The following LDB2 variants were observed in gnomAD, a reference collection of about 807,000 sequenced individuals.
LDB2 encodes LIM domain-binding protein 2.
A neutral mutation model predicts 44.3 loss-of-function variants in LDB2; 12 were observed. That is an observed-to-expected ratio of 0.27 (90% confidence interval 0.17 to 0.44). LDB2 has a LOEUF of 0.44. Ranked by LOEUF, LDB2 falls within the 20% of genes least tolerant of loss-of-function variation. The pLI is 1.00. For synonymous variants in LDB2, 164 were observed against 174.8 expected (o/e 0.94, Z 0.49); for missense variants, 344 against 473.5 (o/e 0.73, Z 2.54).
intron 2 of LDB2, among the ~76,000 whole-genome samples, chr4:16,660,715 T>C (rs1427075448): frequency 6.6e-6 from 1 of 152,190 alleles, no homozygotes; most frequent in East Asian, 1.9e-4. Context: ...GAGAAACAGG[T>C]TTGGGGATAA....
intron 2 of LDB2, chr4:16,674,351 A>G (rs1377794249): frequency 2.8e-6 from 3 of 1,064,554 alleles, no homozygotes; most frequent in Non-Finnish European, 3.8e-6. Flanking sequence ...TGTCTCTGAG[A>G]TGCAAAGATA....
chr4:16,668,618 C>T (rs1478375869), intron 2 of LDB2, among the ~76,000 whole-genome samples: 1 of 152,130 alleles, frequency 6.6e-6, no homozygotes, highest in Non-Finnish European at 1.5e-5. Context: ...CTATATTATC[C>T]TAAGCCCTTA....
intron 1 of LDB2, among the ~76,000 whole-genome samples, chr4:16,828,021 T>A (rs979394317): frequency 6.6e-6 from 1 of 152,122 alleles, no homozygotes; most frequent in African/African-American, 2.4e-5. Context: ...ACCTCCCACT[T>A]CCACCAAACC....
At chr4:16,594,205 A>G (rs74944655) in intron 3 of LDB2, among the ~76,000 whole-genome samples, 4,033 of 152,246 alleles carry the variant, frequency 0.026, 61 homozygotes, top group East Asian at 0.062. Flanking sequence ...GGAGCAGAGA[A>G]AGGCTTTCTC....
intron 2 of LDB2, among the ~76,000 whole-genome samples, chr4:16,653,246 T>C (rs1738818507): frequency 6.6e-6 from 1 of 152,170 alleles, no homozygotes; most frequent in African/African-American, 2.4e-5. Flanking sequence ...TTTTCATTTT[T>C]TGGCTTCTGC....
At chr4:16,504,891 C>T (rs1718749714) in intron 7 of LDB2, among the ~76,000 whole-genome samples, 1 of 152,196 alleles carries the variant, frequency 6.6e-6, no homozygotes, top group Non-Finnish European at 1.5e-5. Flanking sequence ...GTGTCCAGCA[C>T]ACTTGAAGGG....
chr4:16,889,675 C>A (rs1722792426), intron 1 of LDB2, among the ~76,000 whole-genome samples: 2 of 152,178 alleles, frequency 1.3e-5, no homozygotes, highest in Non-Finnish European at 2.9e-5. Context: ...ATATTTTGCA[C>A]ATCAGCCATG....
At chr4:16,835,639 G>A (rs185253468) in intron 1 of LDB2, among the ~76,000 whole-genome samples, 37 of 152,248 alleles carry the variant, frequency 2.4e-4, no homozygotes, top group Non-Finnish European at 3.5e-4. Flanking sequence ...TAGGTCATTG[G>A]GATAGGTGTA....
intron 2 of LDB2, among the ~76,000 whole-genome samples, chr4:16,636,852 C>T (rs1733747273): frequency 6.6e-6 from 1 of 152,164 alleles, no homozygotes; most frequent in African/African-American, 2.4e-5. Flanking sequence ...CAAAAAGAAG[C>T]ACTGAGAAGC....
chr4:16,614,744 T>C (rs570337227), intron 2 of LDB2, among the ~76,000 whole-genome samples: 2 of 152,140 alleles, frequency 1.3e-5, no homozygotes, highest in African/African-American at 2.4e-5. Context: ...AATGAGATAC[T>C]ATCTCATGCC....
chr4:16,589,626 A>G (rs1447387157), intron 3 of LDB2, among the ~76,000 whole-genome samples: 1 of 152,064 alleles, frequency 6.6e-6, no homozygotes, highest in East Asian at 1.9e-4. Flanking sequence ...TTTATTTACC[A>G]TTCCTTTCAC....
At chr4:16,645,963 G>A (rs1487872035) in intron 2 of LDB2, among the ~76,000 whole-genome samples, 3 of 152,218 alleles carry the variant, frequency 2.0e-5, no homozygotes, top group Non-Finnish European at 2.9e-5. Context: ...AGAAAGTGGA[G>A]AGCACCCACT....
chr4:16,614,585 A>AC (rs1560637420), intron 2 of LDB2, among the ~76,000 whole-genome samples: 10 of 65,708 alleles, frequency 1.5e-4, no homozygotes, highest in East Asian at 1.1e-3. Context: ...AAAAACAAAA[A>AC]AAAAAAAAAA....
intron 1 of LDB2, among the ~76,000 whole-genome samples, chr4:16,812,983 G>A (rs182745929): frequency 3.4e-4 from 52 of 151,822 alleles, no homozygotes; most frequent in Non-Finnish European, 5.1e-4. Flanking sequence ...TGAAGCAGGC[G>A]TGCCTCAGTT....
At chr4:16,593,508 A>G (rs371403403) in intron 3 of LDB2, among the ~76,000 whole-genome samples, 1 of 152,192 alleles carries the variant, frequency 6.6e-6, no homozygotes, top group East Asian at 1.9e-4. Context: ...AAAAAAGAAA[A>G]AAAAAATGGA....
intron 2 of LDB2, among the ~76,000 whole-genome samples, chr4:16,608,656 G>A (rs570276778): frequency 1.9e-4 from 29 of 152,280 alleles, no homozygotes; most frequent in South Asian, 1.2e-3. Context: ...CATAACAAGC[G>A]CACCGGACTT....
At chr4:16,799,208 T>C (rs1561269245) in intron 1 of LDB2, among the ~76,000 whole-genome samples, 1 of 152,172 alleles carries the variant, frequency 6.6e-6, no homozygotes, top group Non-Finnish European at 1.5e-5. Flanking sequence ...AAAAAGAACA[T>C]GCAAAGCTCT....
At chr4:16,802,911 C>T (rs1778119448) in intron 1 of LDB2, among the ~76,000 whole-genome samples, 2 of 151,990 alleles carry the variant, frequency 1.3e-5, no homozygotes, top group Admixed American at 6.6e-5. Flanking sequence ...GAAATAGGAC[C>T]CACCCTTGTG....
Position 16,781,075 on chromosome 4 carries a change from G to C in LDB2, c.133-21815C>G, listed in dbSNP as rs1579603643. On this transcript the variant is annotated intron_variant, in intron 1 of 7. Transcript: ENST00000304523. ...ATTAATTGACTCTTTCCATGGTTCT[G>C]GTCCTCTATTTTGACTTCAGGGACT... is the stretch of plus-strand genomic sequence containing the variant. Among the ~76,000 whole-genome samples, 5 of 152,162 alleles carry C rather than the reference G, an allele frequency of 3.3e-5. 1 individual carries two copies. The highest frequency in any genetic ancestry group is 3.3e-4 in the Admixed American group (5 of 15,270).
Sources: gnomAD v4.1 joint callset for allele counts (sites outside exome capture counted in the v4.1 genomes callset) on GRCh38, gnomAD v4.1.1 for gene constraint, MANE v1.5 for transcripts, NCBI Gene and HGNC (gene_info 2026-07-23, HGNC 2026-07-21) for gene names.